Variants in AHNAK observed in about 807,000 individuals in gnomAD.
The protein encoded by AHNAK is AHNAK nucleoprotein.
Under a neutral mutation model 37.8 loss-of-function variants are expected in AHNAK, and 23 were observed. The ratio of observed to expected loss-of-function variants is 0.61; its 90% CI spans 0.44 to 0.86. The LOEUF (loss-of-function observed/expected upper bound fraction) is 0.86, where lower values mean the gene tolerates loss of function less well. Among genes scored for constraint, AHNAK ranks in the 40% least tolerant of loss-of-function variants. AHNAK has a pLI of 0.00. For missense variants in AHNAK, 7,411 were observed against 7,319.4 expected (o/e 1.01, Z -0.46); for synonymous variants, 2,481 against 2,636.3 (o/e 0.94, Z 1.80).
At chr11:62,504,188 GAAAA>G (rs1213337507) in intron 4 of AHNAK, among the ~76,000 whole-genome samples, 1 of 151,482 alleles carries the variant, frequency 6.6e-6, no homozygotes, top group Admixed American at 6.6e-5. Context: ...GAGAGAGAAA[GAAAA>G]AGAAAGAAAG....
chr11:62,535,302 G>A (rs1230274809), intron 3 of AHNAK, 112 bp from the exon 4 acceptor site: 1 of 963,678 alleles, frequency 1.0e-6, no homozygotes, highest in Non-Finnish European at 1.6e-6. Flanking sequence ...CACCCTGCAA[G>A]GTGGGCATGG....
chr11:62,481,647 G>T (rs1590618733), intron 5 of AHNAK, among the ~76,000 whole-genome samples: 1 of 152,008 alleles, frequency 6.6e-6, no homozygotes, highest in East Asian at 1.9e-4. Flanking sequence ...ACACGATCTT[G>T]GCTCACTGCA....
intron 5 of AHNAK, among the ~76,000 whole-genome samples, chr11:62,473,961 C>G (rs1404673964): frequency 6.6e-6 from 1 of 151,226 alleles, no homozygotes; most frequent in Non-Finnish European, 1.5e-5. Context: ...GATCAAACCA[C>G]TACACTCCAG....
chr11:62,450,674 G>A (rs1004908352), intron 5 of AHNAK, among the ~76,000 whole-genome samples: 21 of 152,198 alleles, frequency 1.4e-4, no homozygotes, highest in Middle Eastern at 3.4e-3. Context: ...TGCTCCCACC[G>A]TCTCCCTTGC....
downstream of AHNAK, among the ~76,000 whole-genome samples, chr11:62,512,163 C>T (rs1257439772): frequency 6.6e-6 from 1 of 152,130 alleles, no homozygotes; most frequent in Non-Finnish European, 1.5e-5. The surrounding 1 kb of genome is among the most constrained non-coding windows in gnomAD (Gnocchi z 4.0). Context: ...TGGTTATTCT[C>T]TATCTGTTCC....
intron 1 of AHNAK, among the ~76,000 whole-genome samples, chr11:62,539,410 G>A (rs1488387156): frequency 6.6e-6 from 1 of 152,236 alleles, no homozygotes; most frequent in Non-Finnish European, 1.5e-5. Flanking sequence ...GAGCTAGCTG[G>A]GCCAGCTCAC....
At position 62,502,526 on chromosome 11, in the gene AHNAK, G is replaced by A. The variant is rs192121526; in HGVS notation, c.343-10695C>T. ...AGATGGCTTATCAAGTTTCTGCCAC[G>A]TGCCATGTGCCTGGCCGTGTGCTGG... On this transcript the variant is annotated intron_variant, in intron 4 of 5. Transcript: ENST00000257247. Among the ~76,000 whole-genome samples, 100 of 152,242 alleles carry A rather than the reference G, an allele frequency of 6.6e-4. 1 individual carries two copies. The highest frequency in any genetic ancestry group is 6.0e-3 in the Admixed American group (91 of 15,290).
chr11:62,472,179 C>T (rs1213074735), intron 5 of AHNAK, among the ~76,000 whole-genome samples: 1 of 152,092 alleles, frequency 6.6e-6, no homozygotes, highest in Non-Finnish European at 1.5e-5. Flanking sequence ...GCCGTCACAC[C>T]ACCTGCCTCT....
At chr11:62,489,861 G>T (rs190116775) in intron 5 of AHNAK, among the ~76,000 whole-genome samples, 14 of 152,238 alleles carry the variant, frequency 9.2e-5, no homozygotes, top group Admixed American at 6.5e-4. Context: ...AAAGGGCCTA[G>T]GAAGGGAGGG....
Position 62,529,713 on chromosome 11 carries a change from C to T in AHNAK, c.4704G>A (p.Lys1568=). 2 of 1,614,042 alleles carry T rather than the reference C, an allele frequency of 1.2e-6. No individual in the cohort carries two copies. Among genetic ancestry groups the T allele is most frequent in the Non-Finnish European group, 1.7e-6 (2 of 1,180,002 alleles). ...PEGKLKGPKF[K]MPSMNIQTHK... is the part of the protein sequence containing the mutation. The stretch of plus-strand genomic sequence containing the variant: ...GCGTCTGTATATTCATGCTTGGCAT[C>T]TTGAACTTAGGGCCTTTTAGTTTCC... Residue 1568 remains lysine, a synonymous_variant, in exon 5 of 5, where the codon AAG becomes AAA. Coordinates refer to ENST00000378024, the MANE Select transcript of AHNAK (RefSeq NM_001620.3).
At position 62,527,799 on chromosome 11, in the gene AHNAK, A is replaced by C. The variant is rs149402141; in HGVS notation, c.6618T>G (p.Val2206=). 1.0e-3 allele frequency: 1,663 copies of C among 1,612,454 alleles called. 15 individuals are homozygous for C. The African/African-American group carries it at 0.019, about 19-fold the overall frequency. ...PKVKGDMDVS[V]PKVEGEMKVP... is the part of the protein sequence containing the mutation. ...CTTTCATTTCACCTTCTACCTTGGGAACAGACACATCCATATCCCCTTTGA... is the reference window on the plus strand; with the variant it reads ...CTTTCATTTCACCTTCTACCTTGGGCACAGACACATCCATATCCCCTTTGA... The change falls in exon 5 of 5, where the codon GTT becomes GTG. Residue 2206 remains valine (V), a synonymous_variant. Transcript: ENST00000378024.
At chr11:62,461,399 C>T (rs1486761219) in intron 5 of AHNAK, among the ~76,000 whole-genome samples, 2 of 152,030 alleles carry the variant, frequency 1.3e-5, no homozygotes, top group African/African-American at 4.8e-5. Context: ...CCACCTCGGC[C>T]TCCCAAAGTG....
chr11:62,505,711 A>C (rs1189907744), intron 4 of AHNAK, among the ~76,000 whole-genome samples: 2 of 143,244 alleles, frequency 1.4e-5, no homozygotes, highest in African/African-American at 2.6e-5. Context: ...CCCTCGACCT[A>C]GGGCTTTGCT....
intron 5 of AHNAK, among the ~76,000 whole-genome samples, chr11:62,465,047 G>A (rs770798598): frequency 2.6e-5 from 4 of 151,978 alleles, no homozygotes; most frequent in East Asian, 1.9e-4. Flanking sequence ...TGTTCCTCCC[G>A]TTTCCTTTGC....
intron 5 of AHNAK, among the ~76,000 whole-genome samples, chr11:62,442,767 G>A (rs1938335609): frequency 6.7e-6 from 1 of 149,874 alleles, no homozygotes; most frequent in African/African-American, 2.5e-5. Context: ...TACTTGGGAG[G>A]CTGAGACAGG....
intron 5 of AHNAK, among the ~76,000 whole-genome samples, chr11:62,440,780 G>A (rs957825050): frequency 1.3e-5 from 2 of 152,116 alleles, no homozygotes; most frequent in Non-Finnish European, 2.9e-5. Context: ...GACAGTTGAG[G>A]GCCCTCAGCC....
chr11:62,531,832 T>A lies in AHNAK; in HGVS notation c.2585A>T (p.Asp862Val). Residue 862 changes from aspartate to valine, a missense_variant, in exon 5 of 5, where the codon GAT becomes GTT. Asp to Val is a radical substitution (Grantham distance 152). Transcript: ENST00000378024. ...VELKSAKMDI[D>V]VPDVEVQGPD... ...GCCTTGAACCTCCACATCTGGGACA[T>A]CAATGTCCATTTTGGCACTTTTAAG... The A allele has an allele frequency of 6.2e-7, 1 of 1,613,750 alleles. No homozygotes were observed. The highest frequency in any genetic ancestry group is 8.5e-7 in the Non-Finnish European group (1 of 1,179,984).
intron 5 of AHNAK, among the ~76,000 whole-genome samples, chr11:62,478,988 G>T (rs1480798738): frequency 1.3e-5 from 2 of 151,814 alleles, no homozygotes; most frequent in Non-Finnish European, 2.9e-5. Context: ...TGATTCTCCT[G>T]CCTCAGCCTC....
chr11:62,523,857 T>C lies in AHNAK; in HGVS notation c.10560A>G (p.Glu3520=). The change falls in exon 5 of 5, where the codon GAA becomes GAG. Residue 3520 remains glutamate (E), a synonymous_variant. Coordinates refer to ENST00000378024, the MANE Select transcript of AHNAK (RefSeq NM_001620.3). ...GACCTTTCAAGCCTCCCTCCGGACC[T>C]TCCACATTGAGATCTGGGCCCTCAA... The part of the protein sequence containing the change: ...MNIEGPDLNV[E]GPEGGLKGPK... 3.7e-6 allele frequency: 6 copies of C among 1,614,136 alleles called. No individual in the cohort carries two copies. The highest frequency in any genetic ancestry group is 5.1e-6 in the Non-Finnish European group (6 of 1,180,010).
Sources: allele counts gnomAD v4.1 joint callset (sites outside exome capture counted in the v4.1 genomes callset), GRCh38; gene constraint gnomAD v4.1.1; non-coding constraint Gnocchi (gnomAD v3.1); transcripts MANE v1.5; gene names NCBI Gene and HGNC (gene_info 2026-07-23, HGNC 2026-07-21).